BEND5: variants seen among roughly 807,000 people sequenced by gnomAD.
BEND5 encodes the protein BEN domain containing 5.
BEND5 carries 22 observed loss-of-function variants against 43.9 expected under a neutral mutation model. The ratio of observed to expected loss-of-function variants is 0.50; its 90% confidence interval spans 0.36 to 0.72. The LOEUF is 0.72. Among genes scored for constraint, BEND5 ranks in the 30% least tolerant of loss-of-function variants. The probability of loss-of-function intolerance (pLI) is 0.00; values close to 1 mark genes in which losing one functional copy is unlikely to be tolerated. For synonymous variants in BEND5, 228 were observed against 225.9 expected, an observed-to-expected ratio of 1.01 and a Z score of -0.08; for missense variants, 428 against 550.6, an observed-to-expected ratio of 0.78 and a Z score of 2.23.
chr1:48,742,984 ACTC>A (rs1650154886), intron 3 of BEND5, among the ~76,000 whole-genome samples: 2 of 152,138 alleles, frequency 1.3e-5, no homozygotes, highest in Non-Finnish European at 2.9e-5. Context: ...AGTGGACTAG[ACTC>A]TAATCAAGTT....
At chr1:48,761,532 G>C in intron 1 of BEND5, 62 bp from the exon 2 acceptor site, 1 of 1,485,002 alleles carries the variant, frequency 6.7e-7, no homozygotes, top group South Asian at 1.3e-5. Flanking sequence ...TATGAGTTTA[G>C]AATGCCCAAA....
At position 48,736,228 on chromosome 1, in the gene BEND5, C is replaced by T. The variant is rs753524920; in HGVS notation, c.1108+11G>A. On this transcript the variant is annotated intron_variant, in intron 5 of 5. Transcript: ENST00000371833. The surrounding 1 kb of genome is among the most constrained non-coding windows in gnomAD (Gnocchi z 4.0). ...GAATCCCAGCCATTGTGTTTCCACT[C>T]AGTGACCTACCTCTGACGATGCTTA... The T allele has an allele frequency of 1.2e-6, 2 of 1,611,478 alleles. No homozygotes were observed. Among genetic ancestry groups the T allele is most frequent in the Middle Eastern group, 1.7e-4 (1 of 6,054 alleles).
At chr1:48,767,436 G>C (rs1644585442) in intron 1 of BEND5, among the ~76,000 whole-genome samples, 1 of 152,180 alleles carries the variant, frequency 6.6e-6, no homozygotes, top group Non-Finnish European at 1.5e-5. Context: ...GAGACATGAT[G>C]AAAGAGATGT....
At chr1:48,772,712 T>A (rs1644896993) in intron 1 of BEND5, among the ~76,000 whole-genome samples, 1 of 152,096 alleles carries the variant, frequency 6.6e-6, no homozygotes, top group South Asian at 2.1e-4. Flanking sequence ...CTAAAAGCAA[T>A]TGGGAAAATA....
chr1:48,754,021 A>G (rs943507930), intron 3 of BEND5, among the ~76,000 whole-genome samples: 1 of 152,172 alleles, frequency 6.6e-6, no homozygotes. Context: ...GAAGGCAAGG[A>G]TTATGTCTGC....
At chr1:48,729,920 C>G (rs1430862486) in intron 5 of BEND5, among the ~76,000 whole-genome samples, 2 of 152,188 alleles carry the variant, frequency 1.3e-5, no homozygotes, top group Non-Finnish European at 2.9e-5. Context: ...GTAGGAGGCC[C>G]TGTCTCTCCA....
Position 48,759,252 on chromosome 1 carries a change from C to G in BEND5, c.393G>C (p.Ala131=), listed in dbSNP as rs557411763. Residue 131 remains alanine, a synonymous_variant, in exon 3 of 6, where the codon GCG becomes GCC. Transcript: ENST00000371833. ...CCACCACTGCCTCGATGCTCTTGTG[C>G]GCCACTTCGCTCGGCTTCCGCCCCT... ...RPEGRKPSEV[A]HKSIEAVVAR... is the part of the protein sequence containing the mutation. The G allele has an allele frequency of 6.3e-7, 1 of 1,574,878 alleles. No homozygotes were observed. The highest frequency in any genetic ancestry group is 8.6e-7 in the Non-Finnish European group (1 of 1,159,848).
intron 1 of BEND5, 110 bp from the exon 2 acceptor site, chr1:48,761,580 T>A: frequency 8.5e-7 from 1 of 1,175,332 alleles, no homozygotes; most frequent in Admixed American, 2.7e-5. Flanking sequence ...CCAGACCAGT[T>A]AAAAAGGAAA....
At chr1:48,741,318 A>C (rs1649876032) in intron 4 of BEND5, among the ~76,000 whole-genome samples, 1 of 152,220 alleles carries the variant, frequency 6.6e-6, no homozygotes, top group African/African-American at 2.4e-5. Flanking sequence ...TTCACAGACA[A>C]GGATGCCGAG....
chr1:48,754,658 A>G (rs1652260003), intron 3 of BEND5, among the ~76,000 whole-genome samples: 1 of 152,174 alleles, frequency 6.6e-6, no homozygotes, highest in South Asian at 2.1e-4. Context: ...TATGCAAATT[A>G]CATATGCTTC....
At chr1:48,765,101 G>GCATT (rs1037004202) in intron 1 of BEND5, among the ~76,000 whole-genome samples, 51 of 151,654 alleles carry the variant, frequency 3.4e-4, no homozygotes, top group African/African-American at 1.2e-3. Context: ...TCTCAAAGAT[G>GCATT]CATTACACAT....
intron 3 of BEND5, among the ~76,000 whole-genome samples, chr1:48,749,681 G>A (rs1346602614): frequency 2.6e-5 from 4 of 152,158 alleles, no homozygotes; most frequent in African/African-American, 4.8e-5. Context: ...TGAGGGGTGC[G>A]GTGGAAGGGG....
chr1:48,756,088 T>C (rs887283648), intron 3 of BEND5, among the ~76,000 whole-genome samples: 4 of 152,174 alleles, frequency 2.6e-5, no homozygotes, highest in African/African-American at 9.7e-5. Flanking sequence ...ATTAACAGAA[T>C]GTCAGGCACT....
chr1:48,765,485 G>C (rs889828375), intron 1 of BEND5, among the ~76,000 whole-genome samples: 1 of 152,194 alleles, frequency 6.6e-6, no homozygotes, highest in African/African-American at 2.4e-5. Flanking sequence ...AGAATGGGCA[G>C]CCATAGTAGA....
At chr1:48,767,353 C>T (rs997321140) in intron 1 of BEND5, among the ~76,000 whole-genome samples, 10 of 152,200 alleles carry the variant, frequency 6.6e-5, no homozygotes, top group African/African-American at 2.4e-4. Context: ...AGCTGTTAGG[C>T]TACCCTTGTG....
chr1:48,761,995 T>G (rs1157291787), intron 1 of BEND5, among the ~76,000 whole-genome samples: 1 of 152,086 alleles, frequency 6.6e-6, no homozygotes, highest in Non-Finnish European at 1.5e-5. Context: ...CAGGCTGAGG[T>G]AAGGCAGACG....
intron 1 of BEND5, among the ~76,000 whole-genome samples, chr1:48,776,103 C>G (rs999690426): frequency 6.6e-6 from 1 of 152,128 alleles, no homozygotes; most frequent in Non-Finnish European, 1.5e-5. Flanking sequence ...GGAGGGACTC[C>G]CACCTAGAAG....
chr1:48,739,139 T>C (rs1363020928), intron 4 of BEND5, among the ~76,000 whole-genome samples: 1 of 152,206 alleles, frequency 6.6e-6, no homozygotes, highest in Non-Finnish European at 1.5e-5. Flanking sequence ...GCCTGGCTAC[T>C]TCCCACACCA....
chr1:48,749,160 C>T (rs1651252785), intron 3 of BEND5, among the ~76,000 whole-genome samples: 1 of 152,138 alleles, frequency 6.6e-6, no homozygotes, highest in Non-Finnish European at 1.5e-5. Flanking sequence ...TTTCAAATGA[C>T]ATATTTGAGA....
Sources: allele counts gnomAD v4.1 joint callset (sites outside exome capture counted in the v4.1 genomes callset), GRCh38; gene constraint gnomAD v4.1.1; non-coding constraint Gnocchi (gnomAD v3.1); transcripts MANE v1.5; gene names NCBI Gene and HGNC (gene_info 2026-07-23, HGNC 2026-07-21).